Variants in PI4KA observed in about 807,000 individuals in gnomAD.
PI4KA encodes the protein phosphatidylinositol 4-kinase alpha.
Under a neutral mutation model 271.4 loss-of-function variants are expected in PI4KA, and 122 were observed. The ratio of observed to expected loss-of-function variants is 0.45; its 90% CI spans 0.39 to 0.52. The LOEUF (loss-of-function observed/expected upper bound fraction) is 0.52. PI4KA is among the 20% of genes least tolerant of loss of function. PI4KA has a pLI of 0.00. For missense variants in PI4KA, 1,969 were observed against 2,769.1 expected, an observed-to-expected ratio of 0.71 and a Z score of 6.48; for synonymous variants, 1,041 against 1,078.8, an observed-to-expected ratio of 0.96 and a Z score of 0.69.
At chr22:20,785,066 T>TC (rs78652127) in intron 19 of PI4KA, among the ~76,000 whole-genome samples, 7 of 146,510 alleles carry the variant, frequency 4.8e-5, no homozygotes, top group Admixed American at 6.8e-5. Flanking sequence ...AGGGACTGCA[T>TC]CTTTTTTTTT....
intron 19 of PI4KA, among the ~76,000 whole-genome samples, chr22:20,788,109 G>C (rs1415963594): frequency 6.6e-6 from 1 of 152,232 alleles, no homozygotes; most frequent in Non-Finnish European, 1.5e-5. Flanking sequence ...GCACGCAAGA[G>C]TGCCAGTGCT....
chr22:20,839,148 C>A (rs147465261), intron 1 of PI4KA, among the ~76,000 whole-genome samples: 4,530 of 152,236 alleles, frequency 0.03, 89 homozygotes, highest in Middle Eastern at 0.062. Flanking sequence ...ACCCAGGAGA[C>A]AGAGGTTGTA....
rs755313415 is a variant in PI4KA at position 20,779,465 on chromosome 22, C to T, written c.2328+13728G>A. 5 of 1,614,072 alleles carry T rather than the reference C, an allele frequency of 3.1e-6. No homozygotes were observed. The highest frequency in any genetic ancestry group is 4.2e-6 in the Non-Finnish European group (5 of 1,180,010). ...AGCAGTTAAATAACAAAAACCTGAGCATGCCTCTTCTCCCTGCCGACTTCC... is the reference window on the plus strand; with the variant it reads ...AGCAGTTAAATAACAAAAACCTGAGTATGCCTCTTCTCCCTGCCGACTTCC... On this transcript the variant is annotated intron_variant, in intron 19 of 54. Coordinates refer to ENST00000255882, the MANE Select transcript of PI4KA (RefSeq NM_058004.4).
At chr22:20,835,367 C>G (rs1372572733) in intron 2 of PI4KA, among the ~76,000 whole-genome samples, 1 of 152,144 alleles carries the variant, frequency 6.6e-6, no homozygotes, top group Non-Finnish European at 1.5e-5. Context: ...GAAGTGTGCT[C>G]TAGAGAAGAG....
At chr22:20,828,198 T>C (rs1169707000) in intron 3 of PI4KA, among the ~76,000 whole-genome samples, 2 of 152,238 alleles carry the variant, frequency 1.3e-5, no homozygotes, top group African/African-American at 4.8e-5. Context: ...TTTTTGTACA[T>C]TGATTTTGTA....
intron 10 of PI4KA, 145 bp downstream of exon 10, chr22:20,807,217 T>G (rs751876032): frequency 1.7e-6 from 1 of 598,418 alleles, no homozygotes; most frequent in Non-Finnish European, 3.0e-6. Context: ...TTTCCCAAAA[T>G]TTCAGTAACA....
intron 19 of PI4KA, among the ~76,000 whole-genome samples, chr22:20,785,068 T>C (rs2007944): frequency 1.7e-4 from 21 of 124,968 alleles, no homozygotes; most frequent in Non-Finnish European, 2.8e-4. Flanking sequence ...GGACTGCATC[T>C]TTTTTTTTTT....
chr22:20,771,740 C>G (rs1293895652), intron 19 of PI4KA, among the ~76,000 whole-genome samples: 1 of 151,912 alleles, frequency 6.6e-6, no homozygotes, highest in African/African-American at 2.4e-5. Flanking sequence ...TGCCACCACA[C>G]CCAGCTAATT....
chr22:20,765,915 A>G lies in PI4KA; in HGVS notation c.2329-222T>C, dbSNP rs532609001. On this transcript the variant is annotated intron_variant, in intron 19 of 54. Transcript: ENST00000255882. ...TGCACCAGGTGCTGTGCCAGGGAGGAAAAAGCCCTGTTCCTGCACTTGAAG... is the reference window on the plus strand; with the variant it reads ...TGCACCAGGTGCTGTGCCAGGGAGGGAAAAGCCCTGTTCCTGCACTTGAAG... Among the ~76,000 whole-genome samples, 16 of 152,276 alleles carry G rather than the reference A, an allele frequency of 1.1e-4. 1 individual carries two copies. The highest frequency in any genetic ancestry group is 3.9e-4 in the African/African-American group (16 of 41,558).
At chr22:20,765,788 G>A in intron 19 of PI4KA, 95 bp from the exon 20 acceptor site, 2 of 784,922 alleles carry the variant, frequency 2.5e-6, no homozygotes, top group Middle Eastern at 2.3e-4. Context: ...CATTCTCTAA[G>A]AGCATTCTCA....
chr22:20,818,522 G>C lies in PI4KA; in HGVS notation c.817C>G (p.Pro273Ala), dbSNP rs542138898. 1.6e-5 allele frequency: 25 copies of C among 1,564,966 alleles called. No homozygotes were observed. Among genetic ancestry groups the C allele is most frequent in the Admixed American group, 4.0e-5 (2 of 49,648 alleles). Residue 273 changes from proline to alanine, a missense_variant, in exon 7 of 55, where the codon CCC (proline) becomes GCC (alanine). Coordinates refer to ENST00000255882, the MANE Select transcript of PI4KA (RefSeq NM_058004.4). ...QVSPERGMPP[P>A]SSPGGSAFHY... is the part of the protein sequence containing the mutation. ...AAGGCAGATCCTCCAGGGGAACTGGGAGGGGGCATGCCGCGTTCAGGGCTG... is the reference window on the plus strand; with the variant it reads ...AAGGCAGATCCTCCAGGGGAACTGGCAGGGGGCATGCCGCGTTCAGGGCTG...
intron 3 of PI4KA, among the ~76,000 whole-genome samples, chr22:20,832,654 C>T (rs534697854): frequency 1.3e-5 from 2 of 152,212 alleles, no homozygotes; most frequent in South Asian, 4.1e-4. Context: ...GGGGTTTCAC[C>T]ATGTTGGCCA....
chr22:20,769,389 G>A (rs183576934), intron 19 of PI4KA, among the ~76,000 whole-genome samples: 44 of 152,318 alleles, frequency 2.9e-4, no homozygotes, highest in Non-Finnish European at 7.4e-5. Context: ...TCAAGGTCAG[G>A]CCAGGTGTGG....
intron 12 of PI4KA, 67 bp from the exon 13 acceptor site, chr22:20,803,387 G>A: frequency 6.3e-7 from 1 of 1,594,744 alleles, no homozygotes; most frequent in Non-Finnish European, 8.6e-7. Flanking sequence ...CCCTGAGCAG[G>A]GAGGTGCTCA....
chr22:20,747,376 G>A, intron 29 of PI4KA: 9 of 423,244 alleles, frequency 2.1e-5, no homozygotes, highest in South Asian at 1.1e-4. Flanking sequence ...AAAAAAAAAA[G>A]CACAATAAGG....
intron 32 of PI4KA, 32 bp from the exon 33 acceptor site, chr22:20,734,585 G>C (rs1568968564): frequency 1.3e-6 from 2 of 1,597,734 alleles, no homozygotes; most frequent in Non-Finnish European, 1.7e-6. Context: ...TAGCTCCTCT[G>C]TGAAACACAA....
intron 12 of PI4KA, 61 bp downstream of exon 12, chr22:20,804,239 C>T (rs974538359): frequency 1.6e-5 from 18 of 1,116,462 alleles, no homozygotes; most frequent in Admixed American, 3.4e-5. Context: ...ACAGCAACAG[C>T]GTGACAAGAG....
intron 19 of PI4KA, among the ~76,000 whole-genome samples, chr22:20,778,458 C>T (rs1933477957): frequency 6.6e-6 from 1 of 152,088 alleles, no homozygotes; most frequent in Admixed American, 6.6e-5. Context: ...AAGCCGAGAT[C>T]GCGCCACTGC....
intron 9 of PI4KA, among the ~76,000 whole-genome samples, chr22:20,808,437 C>G (rs769928376): frequency 1.3e-5 from 2 of 149,068 alleles, no homozygotes; most frequent in African/African-American, 2.5e-5. Context: ...TCTAAAAATA[C>G]AAAAAATTAG....
Sources: gnomAD v4.1 joint callset for allele counts (sites outside exome capture counted in the v4.1 genomes callset) on GRCh38, gnomAD v4.1.1 for gene constraint, MANE v1.5 for transcripts, NCBI Gene and HGNC (gene_info 2026-07-23, HGNC 2026-07-21) for gene names.